The following FN1 variants were observed in gnomAD, a reference collection of about 807,000 sequenced individuals.
FN1 encodes the protein fibronectin.
FN1 carries 106 observed loss-of-function variants against 297.3 expected under a neutral mutation model. The ratio of observed to expected loss-of-function variants is 0.36; its 90% CI spans 0.30 to 0.42. The LOEUF (loss-of-function observed/expected upper bound fraction) is 0.42. Ranked by LOEUF, FN1 falls within the 10% of genes least tolerant of loss-of-function variation. FN1 has a pLI of 1.00. For missense variants in FN1, 2,690 were observed against 3,124.9 expected (o/e 0.86, Z 3.32); for synonymous variants, 1,149 against 1,152.6 (o/e 1.00, Z 0.06).
At chr2:215,392,658 T>G in intron 25 of FN1, 1 of 466,872 alleles carries the variant, frequency 2.1e-6, no homozygotes, top group Non-Finnish European at 3.9e-6. Flanking sequence ...GAATGAACAT[T>G]TGCTATTTTA....
At chr2:215,366,446 A>T (rs2054619852) in intron 42 of FN1, among the ~76,000 whole-genome samples, 1 of 152,216 alleles carries the variant, frequency 6.6e-6, no homozygotes, top group Non-Finnish European at 1.5e-5. Context: ...GGAAGAGTAA[A>T]AAATGAACCC....
At chr2:215,402,644 A>G (rs887890423) in intron 20 of FN1, among the ~76,000 whole-genome samples, 1 of 152,228 alleles carries the variant, frequency 6.6e-6, no homozygotes, top group African/African-American at 2.4e-5. Flanking sequence ...ACATTAGTTT[A>G]TTTAAATATA....
chr2:215,430,870 A>C lies in FN1; in HGVS notation c.548-18T>G. 1.9e-6 allele frequency: 3 copies of C among 1,613,708 alleles called. No individual in the cohort carries two copies. The highest frequency in any genetic ancestry group is 2.5e-6 in the Non-Finnish European group (3 of 1,179,702). On this transcript the variant is annotated intron_variant, in intron 4 of 45. Coordinates refer to ENST00000354785, the MANE Select transcript of FN1 (RefSeq NM_212482.4). The stretch of plus-strand genomic sequence containing the variant: ...CTTCTCAGCTGTAGGGAAATTTGGA[A>C]GAAAAACAGGAAAAAAAGGTTATTT...
rs761562967 is a variant in FN1, at chr2:215,372,053, G to A, written c.6570C>T (p.Tyr2190=). 1.2e-6 allele frequency: 2 copies of A among 1,614,184 alleles called. No individual in the cohort carries two copies. Among genetic ancestry groups the A allele is most frequent in the Non-Finnish European group, 1.7e-6 (2 of 1,180,026 alleles). The part of the protein sequence containing the change: ...IPREDVDYHL[Y]PHGPGLNPNA... Reference sequence around the variant, plus strand: ...TTGGATTGAGTCCCGGACCGTGTGGGTACAGGTGATAGTCTACATCTTCCC... The same window carrying A: ...TTGGATTGAGTCCCGGACCGTGTGGATACAGGTGATAGTCTACATCTTCCC... Residue 2190 remains tyrosine, a synonymous_variant, in exon 40 of 46, where the codon TAC becomes TAT. Coordinates refer to ENST00000354785, the MANE Select transcript of FN1 (RefSeq NM_212482.4).
chr2:215,422,770 A>C (rs894938936), intron 9 of FN1, among the ~76,000 whole-genome samples: 84 of 152,190 alleles, frequency 5.5e-4, no homozygotes, highest in African/African-American at 2.0e-3. Context: ...ATTAAAGGGA[A>C]TCTATGGGGT....
Position 215,406,738 on chromosome 2 carries a change from G to A in FN1, c.2714-228C>T, listed in dbSNP as rs2061822421. On this transcript the variant is annotated intron_variant, in intron 18 of 45. Transcript: ENST00000354785. Reference sequence around the variant, plus strand: ...AATAAGTGAGTTACCAGCATATGAAGTGTCATATGGTGGTGGGGGGAGAGG... The same window carrying A: ...AATAAGTGAGTTACCAGCATATGAAATGTCATATGGTGGTGGGGGGAGAGG... Among the ~76,000 whole-genome samples, 4 of 152,186 alleles carry A rather than the reference G, an allele frequency of 2.6e-5. No homozygotes were observed. The South Asian group carries it at 8.3e-4, about 32-fold the overall frequency.
chr2:215,424,344 G>C lies in FN1; in HGVS notation c.1037-19C>G. 2 of 1,607,956 alleles carry C rather than the reference G, an allele frequency of 1.2e-6. No homozygotes were observed. The highest frequency in any genetic ancestry group is 2.2e-5 in the South Asian group (2 of 90,882). On this transcript the variant is annotated intron_variant, in intron 7 of 45. Transcript: ENST00000354785. ...GTTACAGCTACAATCATAATCAAAA[G>C]AGTGTCAGTAAACAGAGATGCTTTA... is the stretch of plus-strand genomic sequence containing the variant.
intron 30 of FN1, 72 bp from the exon 31 acceptor site, chr2:215,383,555 C>T (rs2058496189): frequency 6.8e-7 from 1 of 1,469,374 alleles, no homozygotes; most frequent in Admixed American, 1.7e-5. Flanking sequence ...GTCCTCCTCT[C>T]TAGGTCTGGT....
intron 41 of FN1, among the ~76,000 whole-genome samples, chr2:215,368,551 CTAAA>C (rs1413924892): frequency 6.6e-6 from 1 of 152,158 alleles, no homozygotes; most frequent in Non-Finnish European, 1.5e-5. Context: ...AAAATGTTCA[CTAAA>C]TAAAGAATAA....
At chr2:215,434,584 A>G (rs1038432887) in intron 2 of FN1, 112 bp downstream of exon 2, 17 of 1,251,774 alleles carry the variant, frequency 1.4e-5, no homozygotes, top group Non-Finnish European at 1.9e-5. Context: ...AGGAAATGAC[A>G]GGTAATTCTA....
In FN1 at chr2:215,399,315, T is replaced by C. The variant is rs948893715; in HGVS notation, c.3290A>G (p.Glu1097Gly). 2.5e-6 allele frequency: 4 copies of C among 1,613,950 alleles called. No homozygotes were observed. The African/African-American group carries it at 5.3e-5, about 22-fold the overall frequency. The change falls in exon 21 of 46, where the codon GAG becomes GGG. Residue 1097 changes from glutamate (E) to glycine (G), a missense_variant. Coordinates refer to ENST00000354785, the MANE Select transcript of FN1 (RefSeq NM_212482.4). ...GATCACAATGGTGGTCTCAGTCACC[T>C]CGGTGTTGTAAGGTGGAATAGAGCT... is the stretch of plus-strand genomic sequence containing the variant. The part of the protein sequence containing the change: ...PGSSIPPYNT[E>G]VTETTIVITW...
rs559813126 is a variant in FN1 at position 215,391,220 on chromosome 2, T to G, written c.4252+412A>C. ...CTTTTCTAAGTATTCAAATCCTAAATCAATCAACTGCTGACACTTTTTTTA... is the reference window on the plus strand; with the variant it reads ...CTTTTCTAAGTATTCAAATCCTAAAGCAATCAACTGCTGACACTTTTTTTA... On this transcript the variant is annotated intron_variant, in intron 26 of 45. Transcript: ENST00000354785. Among the ~76,000 whole-genome samples the G allele has an allele frequency of 7.0e-4, 107 of 152,212 alleles. 1 individual carries two copies. Among genetic ancestry groups the G allele is most frequent in the Non-Finnish European group, 1.3e-3 (91 of 68,026 alleles).
At chr2:215,384,619 A>G (rs1038330688) in intron 29 of FN1, 6 of 456,140 alleles carry the variant, frequency 1.3e-5, no homozygotes, top group African/African-American at 3.9e-5. Context: ...TGAATTTACA[A>G]TCCTTTTATT....
rs1245261081 is a variant in FN1, at chr2:215,422,247, T to C, written c.1394-4A>G. 10 of 1,613,678 alleles carry C rather than the reference T, an allele frequency of 6.2e-6. No individual in the cohort carries two copies. The highest frequency in any genetic ancestry group is 7.6e-6 in the Non-Finnish European group (9 of 1,179,714). On this transcript the variant is annotated splice_polypyrimidine_tract_variant and splice_region_variant and intron_variant, in intron 9 of 45. Transcript: ENST00000354785. ...GTTGTGCAGATTTCCTCGTGGGCTG[T>C]TTGGAAATGGATAAGAAATGCACTT...
At chr2:215,370,641 G>C (rs1171820804) in intron 40 of FN1, 1 of 552,242 alleles carries the variant, frequency 1.8e-6, no homozygotes, top group Non-Finnish European at 3.2e-6. Context: ...GTTCCTGCCA[G>C]ATTTTCCTGC....
chr2:215,377,712 T>C (rs1050878006), intron 35 of FN1, among the ~76,000 whole-genome samples: 7 of 141,540 alleles, frequency 4.9e-5, no homozygotes, highest in African/African-American at 1.8e-4. Context: ...ATTGTTAAGA[T>C]ATAGCAGAAG....
chr2:215,423,232 T>C, intron 9 of FN1, 118 bp downstream of exon 9: 2 of 1,014,732 alleles, frequency 2.0e-6, no homozygotes, highest in African/African-American at 1.6e-5. Flanking sequence ...CACATGAAGT[T>C]TTCTGTTGTC....
rs1294563046 is a variant in FN1 at position 215,361,614 on chromosome 2, G to A, written c.7375C>T (p.Pro2459Ser). The change falls in exon 46 of 46, where the codon CCA becomes TCA. Residue 2459 changes from proline to serine, a missense_variant. By Grantham distance (74) the Pro-to-Ser change is moderately conservative. Transcript: ENST00000354785. Reference sequence around the variant, plus strand: ...TCTAAAGGCATGAAGCACTCAATTGGGCAATTAACATTCTGTTAAAAAGGA... The same window carrying A: ...TCTAAAGGCATGAAGCACTCAATTGAGCAATTAACATTCTGTTAAAAAGGA... ...HQRTNTNVNC[P>S]IECFMPLDVQ... is the part of the protein sequence containing the mutation. The A allele has an allele frequency of 1.2e-6, 2 of 1,610,510 alleles. No homozygotes were observed. Among genetic ancestry groups the A allele is most frequent in the Non-Finnish European group, 8.5e-7 (1 of 1,176,898 alleles).
intron 6 of FN1, 97 bp from the exon 7 acceptor site, chr2:215,425,382 C>G (rs1247407362): frequency 8.1e-7 from 1 of 1,234,802 alleles, no homozygotes; most frequent in Non-Finnish European, 1.2e-6. Flanking sequence ...AGAGATCACT[C>G]TGAAATCTAT....
Sources: gnomAD v4.1 joint callset for allele counts (sites outside exome capture counted in the v4.1 genomes callset) on GRCh38, gnomAD v4.1.1 for gene constraint, MANE v1.5 for transcripts, NCBI Gene and HGNC (gene_info 2026-07-23, HGNC 2026-07-21) for gene names.